RIF1: variants seen among roughly 807,000 people sequenced by gnomAD.
The protein encoded by RIF1 is replication timing regulatory factor 1.
Under a neutral mutation model 247.1 loss-of-function variants are expected in RIF1, and 45 were observed. The ratio of observed to expected loss-of-function variants is 0.18; its 90% CI spans 0.14 to 0.23. The LOEUF (loss-of-function observed/expected upper bound fraction) is 0.23, where lower values mean the gene tolerates loss of function less well. RIF1 is among the 10% of genes least tolerant of loss of function. The probability of loss-of-function intolerance (pLI) is 1.00; values close to 1 mark genes in which losing one functional copy is unlikely to be tolerated. For synonymous variants in RIF1, 1,087 were observed against 978.8 expected, an observed-to-expected ratio of 1.11 and a Z score of -2.06; for missense variants, 2,967 against 2,862.5, an observed-to-expected ratio of 1.04 and a Z score of -0.83.
chr2:151,528,507 G>C, the RIF1 span, among the ~76,000 whole-genome samples: 1 of 152,092 alleles, frequency 6.6e-6, no homozygotes, highest in Non-Finnish European at 1.5e-5. Flanking sequence ...TCTCACATCT[G>C]TCCTTCTATC....
At position 151,494,305 on chromosome 2, in the gene RIF1, T is replaced by TA. The variant is rs1015332249; in HGVS notation, c.*416-923dup. 9 of 1,263,718 alleles carry TA rather than the reference T, an allele frequency of 7.1e-6. No individual in the cohort carries two copies. In the South Asian group the frequency reaches 1.1e-4, roughly 15 times the overall value. The allele number at this position is 1,263,718 out of a possible 1,614,324, so 78.3% of individuals were successfully genotyped here. ...GCCAAAAAGAAAAAGAGTTAACAGT[T>TA]ACCAAAAAAGGAAATGGTACAGATA... On this transcript the variant is annotated intron_variant and NMD_transcript_variant, in intron 9 of 13. Coordinates refer to the RIF1 transcript ENST00000454583.
downstream of RIF1, among the ~76,000 whole-genome samples, chr2:151,486,955 T>G (rs2051014039): frequency 1.3e-5 from 2 of 152,202 alleles, no homozygotes; most frequent in Admixed American, 1.3e-4. Flanking sequence ...ATGAAAGTAT[T>G]CTAAAATTAG....
At chr2:151,491,685 T>C in intron 9 of RIF1, 1 of 1,585,964 alleles carries the variant, frequency 6.3e-7, no homozygotes, top group South Asian at 1.2e-5. Context: ...TAACACACCA[T>C]TAATCATGTG....
At position 151,480,838 on chromosome 2, in the gene RIF1, CTG is replaced by C. The variant is rs1177992662; in HGVS notation, c.*5768_*5769del. The stretch of plus-strand genomic sequence containing the variant: ...GCAAAATTGGTTTTGAGTATAGAAA[CTG>C]AAGGATGGCAGTCTTAACTCCTAAG... On this transcript the variant is annotated 3_prime_UTR_variant, in exon 36 of 36. Transcript: ENST00000444746. The C allele has an allele frequency of 6.6e-6, 1 of 152,074 alleles. No individual in the cohort carries two copies. Among genetic ancestry groups the C allele is most frequent in the East Asian group, 1.9e-4 (1 of 5,194 alleles). The allele number at this position is 152,074 out of a possible 1,614,324, so 9.4% of individuals were successfully genotyped here.
chr2:151,461,977 G>C (rs1354403154), intron 27 of RIF1, among the ~76,000 whole-genome samples: 1 of 152,054 alleles, frequency 6.6e-6, no homozygotes, highest in African/African-American at 2.4e-5. Context: ...GGGCTCAAGT[G>C]ATCTTCCCGC....
intron 10 of RIF1, chr2:151,496,311 C>G: frequency 1.2e-6 from 2 of 1,612,138 alleles, no homozygotes; most frequent in Non-Finnish European, 1.7e-6. Flanking sequence ...TTGACTCGCT[C>G]CATCTCGGGA....
rs1174816974 is a variant in RIF1 at position 151,410,399 on chromosome 2, C to T, written c.-10-15C>T. 4.4e-6 allele frequency: 7 copies of T among 1,603,634 alleles called. No individual in the cohort carries two copies. The highest frequency in any genetic ancestry group is 2.2e-5 in the East Asian group (1 of 44,700). On this transcript the variant is annotated splice_polypyrimidine_tract_variant and intron_variant, in intron 1 of 35. Transcript: ENST00000444746. ...TCGGTCACTGGATTTTCTCCTCTTC[C>T]GGTTCGGGCCTCAGGGTGGCCGACA...
At chr2:151,474,744 A>G in intron 35 of RIF1, 113 bp from the exon 36 acceptor site, 1 of 669,398 alleles carries the variant, frequency 1.5e-6, no homozygotes, top group Admixed American at 2.7e-5. Context: ...TGAAGACTTA[A>G]GCCTGCTCTC....
the RIF1 span, chr2:151,534,280 A>G: frequency 1.4e-5 from 22 of 1,613,654 alleles, no homozygotes; most frequent in Non-Finnish European, 1.8e-5. Context: ...ACCAGGTGGT[A>G]TTTATCTTTC....
chr2:151,436,166 C>T (rs1321702096), intron 11 of RIF1, among the ~76,000 whole-genome samples: 1 of 151,982 alleles, frequency 6.6e-6, no homozygotes, highest in Non-Finnish European at 1.5e-5. Context: ...GCGGAGGTTG[C>T]AGTGAGCCGA....
chr2:151,440,726 G>A (rs1161171185), intron 15 of RIF1, among the ~76,000 whole-genome samples: 2 of 152,170 alleles, frequency 1.3e-5, no homozygotes, highest in Non-Finnish European at 2.9e-5. Flanking sequence ...GAGCATACTA[G>A]GTTGAATACC....
chr2:151,530,843 C>T, the RIF1 span: 2 of 585,700 alleles, frequency 3.4e-6, no homozygotes, highest in South Asian at 2.4e-5. Context: ...GTCAACTTAC[C>T]GAATCATGAG....
At chr2:151,533,215 T>C in the RIF1 span, among the ~76,000 whole-genome samples, 1 of 152,216 alleles carries the variant, frequency 6.6e-6, no homozygotes, top group African/African-American at 2.4e-5. Flanking sequence ...AAAGAATCAG[T>C]TAATTTTATT....
intron 12 of RIF1, among the ~76,000 whole-genome samples, chr2:151,504,458 T>C (rs942568597): frequency 4.6e-5 from 7 of 152,200 alleles, no homozygotes; most frequent in Non-Finnish European, 1.0e-4. Context: ...CAACTCTTAT[T>C]AGAGGACACA....
intron 31 of RIF1, 31 bp downstream of exon 31, chr2:151,468,177 T>C: frequency 6.4e-7 from 1 of 1,552,658 alleles, no homozygotes; most frequent in Non-Finnish European, 8.8e-7. Flanking sequence ...TATACATATA[T>C]GTATACCGAC....
chr2:151,531,898 TA>T, the RIF1 span: 1 of 1,534,054 alleles, frequency 6.5e-7, no homozygotes, highest in Non-Finnish European at 8.8e-7. Context: ...GTATTTGATC[TA>T]AATTGTGGAA....
intron 9 of RIF1, among the ~76,000 whole-genome samples, chr2:151,429,215 C>T (rs1689622111): frequency 6.6e-6 from 1 of 152,182 alleles, no homozygotes; most frequent in Non-Finnish European, 1.5e-5. Flanking sequence ...GACAGGGTCG[C>T]TCTTGCCCAG....
intron 16 of RIF1, among the ~76,000 whole-genome samples, 183 bp downstream of exon 16, chr2:151,442,174 C>G (rs1355834232): frequency 6.6e-6 from 1 of 151,598 alleles, no homozygotes. Context: ...CTCCCAGGTT[C>G]AAGCTATTCT....
intron 26 of RIF1, among the ~76,000 whole-genome samples, chr2:151,460,612 C>T (rs958060989): frequency 2.6e-5 from 4 of 152,092 alleles, no homozygotes; most frequent in Admixed American, 2.0e-4. Flanking sequence ...AAAGGTTATT[C>T]TAGAATCTTG....
Sources: allele counts gnomAD v4.1 joint callset (sites outside exome capture counted in the v4.1 genomes callset), GRCh38; gene constraint gnomAD v4.1.1; transcripts MANE v1.5; gene names NCBI Gene and HGNC (gene_info 2026-07-23, HGNC 2026-07-21).